Variants in ANKFN1 observed in about 807,000 individuals in gnomAD.
ANKFN1 encodes the protein ankyrin repeat and fibronectin type-III domain-containing protein 1.
A neutral mutation model predicts 108.7 loss-of-function variants in ANKFN1; 74 were observed. The ratio of observed to expected loss-of-function variants is 0.68; its 90% confidence interval spans 0.56 to 0.83. ANKFN1 has a LOEUF of 0.83. Ranked by LOEUF, ANKFN1 falls within the 40% of genes least tolerant of loss-of-function variation. The probability of loss-of-function intolerance (pLI) is 0.00; values close to 1 mark genes in which losing one functional copy is unlikely to be tolerated. For missense variants in ANKFN1, 1,505 were observed against 1,382.3 expected (o/e 1.09, Z -1.41); for synonymous variants, 547 against 516.2 (o/e 1.06, Z -0.81).
intron 8 of ANKFN1, among the ~76,000 whole-genome samples, chr17:56,409,663 G>A (rs2048029135): frequency 6.6e-6 from 1 of 152,174 alleles, no homozygotes; most frequent in Non-Finnish European, 1.5e-5. Flanking sequence ...TGGACTTCAT[G>A]ACCCTTGTTC....
chr17:56,255,636 G>A (rs982661979), intron 3 of ANKFN1, among the ~76,000 whole-genome samples: 2 of 152,118 alleles, frequency 1.3e-5, no homozygotes, highest in Admixed American at 1.3e-4. Flanking sequence ...TGTTTACAAA[G>A]CAAGAAGGTC....
chr17:56,489,714 GA>G lies in ANKFN1; in HGVS notation c.2261-2465del, dbSNP rs952845131. ...TTTTCCAGTCATATTTTAGAAAGGG[GA>G]AAAAAAACAATTTTTTTTTTTTACC... is the stretch of plus-strand genomic sequence containing the variant. On this transcript the variant is annotated intron_variant, in intron 18 of 20. Transcript: ENST00000682825. Among the ~76,000 whole-genome samples, 35 of 151,484 alleles carry G rather than the reference GA, an allele frequency of 2.3e-4. No individual in the cohort carries two copies. In the East Asian group the frequency reaches 3.3e-3, roughly 14 times the overall value.
At chr17:56,227,727 T>G (rs970013860) in intron 2 of ANKFN1, among the ~76,000 whole-genome samples, 190 bp from the exon 3 acceptor site, 7 of 152,024 alleles carry the variant, frequency 4.6e-5, no homozygotes. Context: ...CTAGCATGAA[T>G]GTTTTTTCTT....
intron 8 of ANKFN1, among the ~76,000 whole-genome samples, chr17:56,383,832 T>C (rs190373326): frequency 1.3e-5 from 2 of 152,356 alleles, no homozygotes; most frequent in Non-Finnish European, 2.9e-5. Context: ...ATTGTGGCAA[T>C]AATCAATAAC....
chr17:56,510,122 T>C (rs2051696381), intron 20 of ANKFN1, among the ~76,000 whole-genome samples: 1 of 152,224 alleles, frequency 6.6e-6, no homozygotes, highest in Non-Finnish European at 1.5e-5. Context: ...AACATTTAGC[T>C]TTCTAGCCTG....
chr17:56,237,267 G>A (rs575384586), intron 3 of ANKFN1, among the ~76,000 whole-genome samples: 1 of 152,240 alleles, frequency 6.6e-6, no homozygotes, highest in African/African-American at 2.4e-5. Flanking sequence ...GATGATGCTG[G>A]CCTCATAGAA....
chr17:56,385,458 A>C (rs1288148297), intron 8 of ANKFN1, among the ~76,000 whole-genome samples: 2 of 152,206 alleles, frequency 1.3e-5, no homozygotes, highest in Non-Finnish European at 2.9e-5. Flanking sequence ...ACAAAAGTCA[A>C]AATTGACAAA....
At chr17:56,355,558 G>A (rs975703381) in intron 6 of ANKFN1, among the ~76,000 whole-genome samples, 1 of 152,160 alleles carries the variant, frequency 6.6e-6, no homozygotes, top group Middle Eastern at 3.2e-3. Flanking sequence ...TGTGGAGTAC[G>A]ATGGGAAGGC....
At chr17:56,345,835 G>A (rs528087933) in intron 4 of ANKFN1, among the ~76,000 whole-genome samples, 1 of 152,212 alleles carries the variant, frequency 6.6e-6, no homozygotes, top group Admixed American at 6.5e-5. Context: ...CCAACCTCTA[G>A]GTTGCCTCTT....
chr17:56,069,858 C>A (rs1905100020), intron 4 of ANKFN1, among the ~76,000 whole-genome samples: 1 of 152,168 alleles, frequency 6.6e-6, no homozygotes, highest in Non-Finnish European at 1.5e-5. Context: ...GCTGGTTGGT[C>A]ATTTTTATGG....
chr17:56,341,393 G>A (rs957059240), intron 4 of ANKFN1, among the ~76,000 whole-genome samples: 1 of 152,086 alleles, frequency 6.6e-6, no homozygotes, highest in Non-Finnish European at 1.5e-5. Context: ...GGTTTTCAAG[G>A]GGAATGCTTC....
intron 3 of ANKFN1, among the ~76,000 whole-genome samples, chr17:56,242,595 C>A (rs920794205): frequency 6.6e-6 from 1 of 152,068 alleles, no homozygotes; most frequent in Non-Finnish European, 1.5e-5. Context: ...AGATTGTCTA[C>A]AATCATATAC....
chr17:56,405,102 AGCTCT>A (rs1368482521), intron 8 of ANKFN1, among the ~76,000 whole-genome samples: 12 of 152,348 alleles, frequency 7.9e-5, no homozygotes, highest in African/African-American at 2.6e-4. Context: ...GAGGGTTCTT[AGCTCT>A]GGTGGTTTAA....
chr17:56,364,216 A>T (rs775268954), intron 6 of ANKFN1, among the ~76,000 whole-genome samples: 7 of 152,168 alleles, frequency 4.6e-5, no homozygotes, highest in Non-Finnish European at 8.8e-5. Context: ...ATTATTATCA[A>T]TTTATAATAA....
intron 4 of ANKFN1, among the ~76,000 whole-genome samples, chr17:56,089,142 A>G (rs1399019396): frequency 6.6e-6 from 1 of 151,528 alleles, no homozygotes; most frequent in East Asian, 1.9e-4. Flanking sequence ...GTTTTGAAGA[A>G]AATAGGAAAG....
At chr17:56,128,077 A>G (rs1907041939) in intron 4 of ANKFN1, among the ~76,000 whole-genome samples, 2 of 152,104 alleles carry the variant, frequency 1.3e-5, no homozygotes, top group Non-Finnish European at 2.9e-5. Flanking sequence ...TCTTCACTCA[A>G]CTTGAAGATT....
intron 15 of ANKFN1, among the ~76,000 whole-genome samples, chr17:56,468,360 G>T (rs964436756): frequency 6.6e-6 from 1 of 152,108 alleles, no homozygotes. Context: ...AGTCCAGCAC[G>T]CTCTCTCTGC....
At position 56,511,309 on chromosome 17, in the gene ANKFN1, C is replaced by G. The variant is rs2051763753; in HGVS notation, c.*40C>G. 1.4e-6 allele frequency: 2 copies of G among 1,472,544 alleles called. No individual in the cohort carries two copies. Among genetic ancestry groups the G allele is most frequent in the East Asian group, 5.0e-5 (2 of 40,284 alleles). 91.2% of individuals were successfully genotyped at this position (1,472,544 alleles called of 1,614,324 possible). On this transcript the variant is annotated 3_prime_UTR_variant, in exon 21 of 21. Coordinates refer to ENST00000682825, the MANE Select transcript of ANKFN1 (RefSeq NM_001370326.1). Reference sequence around the variant, plus strand: ...GCTGTCCACCCCTCCATGGCTGCTACCTGCGTTTTACATCACCCTTACCCC... The same window carrying G: ...GCTGTCCACCCCTCCATGGCTGCTAGCTGCGTTTTACATCACCCTTACCCC...
chr17:56,210,061 C>CATAGATAGATAGATAG lies in ANKFN1; in HGVS notation c.-70-2505_-70-2490dup, dbSNP rs57680665. Among the ~76,000 whole-genome samples, 208 of 148,110 alleles carry CATAGATAGATAGATAG rather than the reference C, an allele frequency of 1.4e-3. 1 individual carries two copies. The highest frequency in any genetic ancestry group is 2.8e-3 in the East Asian group (14 of 4,984). On this transcript the variant is annotated intron_variant, in intron 1 of 20. Transcript: ENST00000682825. ...TATATTATAGATAGATAGATAGATA[C>CATAGATAGATAGATAG]ATAGATAGATAGATAGATAGATAGA...
Sources: allele counts gnomAD v4.1 joint callset (sites outside exome capture counted in the v4.1 genomes callset), GRCh38; gene constraint gnomAD v4.1.1; transcripts MANE v1.5; gene names NCBI Gene and HGNC (gene_info 2026-07-23, HGNC 2026-07-21).